Variants in GRIA2 observed in about 807,000 individuals in gnomAD.
GRIA2 encodes the protein glutamate receptor 2.
Under a neutral mutation model 97.3 loss-of-function variants are expected in GRIA2, and 14 were observed. The ratio of observed to expected loss-of-function variants is 0.14; its 90% CI spans 0.10 to 0.23. GRIA2 has a LOEUF of 0.23. GRIA2 is among the 10% of genes least tolerant of loss of function. The pLI is 1.00. For missense variants in GRIA2, 558 were observed against 1,069.8 expected (o/e 0.52, Z 6.67); for synonymous variants, 412 against 387.8 (o/e 1.06, Z -0.73).
chr4:157,224,776 T>A (rs900174997), intron 2 of GRIA2, among the ~76,000 whole-genome samples: 1 of 152,122 alleles, frequency 6.6e-6, no homozygotes, highest in Non-Finnish European at 1.5e-5. Flanking sequence ...CAGGGAAGTC[T>A]GTGATTCTTT....
chr4:157,234,695 C>T (rs1730167350), intron 2 of GRIA2, among the ~76,000 whole-genome samples: 1 of 152,120 alleles, frequency 6.6e-6, no homozygotes. Context: ...CAGTTTTATG[C>T]ATCTTGCTGC....
At chr4:157,226,551 G>C (rs1729755371) in intron 2 of GRIA2, among the ~76,000 whole-genome samples, 1 of 151,970 alleles carries the variant, frequency 6.6e-6, no homozygotes, top group African/African-American at 2.4e-5. Flanking sequence ...TTTTTGAGCT[G>C]TATTTATTAT....
chr4:157,268,506 T>C (rs531373463), intron 2 of GRIA2, among the ~76,000 whole-genome samples: 32 of 152,016 alleles, frequency 2.1e-4, no homozygotes, highest in Non-Finnish European at 4.1e-4. Context: ...TTAACATACA[T>C]AAAGAATTTG....
intron 2 of GRIA2, among the ~76,000 whole-genome samples, chr4:157,277,773 G>A (rs905684567): frequency 6.8e-6 from 1 of 147,404 alleles, no homozygotes. Context: ...AACCCCCCAC[G>A]AAATGAAATA....
At chr4:157,256,255 A>G (rs1214539246) in intron 2 of GRIA2, among the ~76,000 whole-genome samples, 2 of 59,014 alleles carry the variant, frequency 3.4e-5, no homozygotes, top group South Asian at 3.9e-4. Context: ...TAATATATAA[A>G]TTATATATTA....
intron 9 of GRIA2, 158 bp downstream of exon 9, chr4:157,334,278 A>T: frequency 1.8e-6 from 1 of 568,138 alleles, no homozygotes; most frequent in Non-Finnish European, 3.2e-6. Context: ...GGAATACACA[A>T]GATCTAGCTA....
intron 12 of GRIA2, among the ~76,000 whole-genome samples, chr4:157,354,697 A>T (rs1246202214): frequency 6.6e-6 from 1 of 152,194 alleles, no homozygotes; most frequent in Admixed American, 6.5e-5. Flanking sequence ...TACCAGTTAT[A>T]GCAGCAAAAA....
rs969430054 is a variant in GRIA2, at chr4:157,333,359, T to A, written c.1155+6T>A. The A allele has an allele frequency of 2.0e-6, 3 of 1,481,224 alleles. No homozygotes were observed. Among genetic ancestry groups the A allele is most frequent in the East Asian group, 2.3e-5 (1 of 43,886 alleles). 91.8% of individuals were successfully genotyped at this position (1,481,224 alleles called of 1,614,324 possible). ...AAACTAATGGGCCCCGGAAGGTAAA[T>A]CCTTAGTGATTTAAAGGCAGTTCTA... On this transcript the variant is annotated splice_donor_region_variant and intron_variant, in intron 8 of 15. Transcript: ENST00000264426.
In GRIA2 at chr4:157,287,072, C is replaced by T. The variant is rs1441956663; in HGVS notation, c.230-16480C>T. 7.3e-5 allele frequency among the ~76,000 whole-genome samples: 11 copies of T among 151,574 alleles called. No homozygotes were observed. In the Admixed American group the frequency reaches 7.3e-4, roughly 10 times the overall value. ...TCTGGAAACAACTCCAATCTGTTGTCTGGTGTTGTCTATTTCTTTGCTTGC... is the reference window on the plus strand; with the variant it reads ...TCTGGAAACAACTCCAATCTGTTGTTTGGTGTTGTCTATTTCTTTGCTTGC... On this transcript the variant is annotated intron_variant, in intron 2 of 15. Transcript: ENST00000264426.
intron 2 of GRIA2, among the ~76,000 whole-genome samples, chr4:157,241,695 G>T (rs1730519780): frequency 2.0e-5 from 3 of 152,138 alleles, no homozygotes; most frequent in South Asian, 4.1e-4. Flanking sequence ...TTCTGAGATT[G>T]CCTTGAGTGG....
At chr4:157,322,996 T>C (rs1353400137) in intron 6 of GRIA2, among the ~76,000 whole-genome samples, 2 of 152,150 alleles carry the variant, frequency 1.3e-5, no homozygotes, top group Non-Finnish European at 2.9e-5. Context: ...CAAGTAACTT[T>C]TTTTCAAAAA....
intron 2 of GRIA2, among the ~76,000 whole-genome samples, chr4:157,270,338 C>T (rs556259501): frequency 6.6e-6 from 1 of 152,066 alleles, no homozygotes; most frequent in South Asian, 2.1e-4. Context: ...TGAGAGCATA[C>T]CACCTGGCAG....
At chr4:157,353,353 AAAAACAAAAC>A (rs546180738) in intron 12 of GRIA2, among the ~76,000 whole-genome samples, 22 of 150,196 alleles carry the variant, frequency 1.5e-4, no homozygotes, top group African/African-American at 4.9e-4. Context: ...ACTCTGTCTC[AAAAACAAAAC>A]AAAACAAAAC....
chr4:157,295,765 GA>G (rs1308741944), intron 2 of GRIA2, among the ~76,000 whole-genome samples: 1 of 152,062 alleles, frequency 6.6e-6, no homozygotes, highest in African/African-American at 2.4e-5. Context: ...TGAGAGTAAA[GA>G]AATCACAGGT....
chr4:157,256,045 G>A (rs1446128272), intron 2 of GRIA2, among the ~76,000 whole-genome samples: 2 of 149,452 alleles, frequency 1.3e-5, no homozygotes, highest in Non-Finnish European at 3.0e-5. Flanking sequence ...TTAAATAAAA[G>A]TACTGTGTAT....
chr4:157,261,201 G>A (rs762104018), intron 2 of GRIA2, among the ~76,000 whole-genome samples: 2 of 152,054 alleles, frequency 1.3e-5, no homozygotes, highest in Admixed American at 6.6e-5. Context: ...AGGCAATAGA[G>A]CTTGTGCAGG....
intron 2 of GRIA2, among the ~76,000 whole-genome samples, chr4:157,285,948 T>C (rs899847750): frequency 6.6e-6 from 1 of 151,488 alleles, no homozygotes; most frequent in Non-Finnish European, 1.5e-5. Context: ...TATACACAAC[T>C]AGTAGGTGAT....
intron 2 of GRIA2, among the ~76,000 whole-genome samples, chr4:157,244,248 C>T (rs1482628430): frequency 6.6e-6 from 1 of 151,926 alleles, no homozygotes; most frequent in Non-Finnish European, 1.5e-5. Context: ...TGGGCAAAAA[C>T]AAATAAACCA....
intron 2 of GRIA2, among the ~76,000 whole-genome samples, chr4:157,301,126 A>G (rs1316009938): frequency 6.6e-6 from 1 of 152,172 alleles, no homozygotes; most frequent in African/African-American, 2.4e-5. Context: ...CCCAGAGAGA[A>G]TTTTATAGCA....
Sources: allele counts gnomAD v4.1 joint callset (sites outside exome capture counted in the v4.1 genomes callset), GRCh38; gene constraint gnomAD v4.1.1; transcripts MANE v1.5; gene names NCBI Gene and HGNC (gene_info 2026-07-23, HGNC 2026-07-21).